TMEM266: variants seen among roughly 807,000 people sequenced by gnomAD.
The protein encoded by TMEM266 is Hv1 related protein 1.
In TMEM266, 33 loss-of-function variants were observed where a neutral mutation model predicts 50.5. The ratio of observed to expected loss-of-function variants is 0.65; its 90% CI spans 0.50 to 0.87. The LOEUF (loss-of-function observed/expected upper bound fraction) is 0.87, where lower values mean the gene tolerates loss of function less well. Among genes scored for constraint, TMEM266 ranks in the 40% least tolerant of loss-of-function variants. The pLI is 0.00. For synonymous variants in TMEM266, 310 were observed against 292.3 expected (o/e 1.06, Z -0.62); for missense variants, 655 against 695.1 (o/e 0.94, Z 0.65).
chr15:76,128,637 T>G (rs1394365527), intron 1 of TMEM266, among the ~76,000 whole-genome samples: 1 of 152,244 alleles, frequency 6.6e-6, no homozygotes, highest in Non-Finnish European at 1.5e-5. Flanking sequence ...GAAATATTAT[T>G]TTTAAATAAC....
intron 1 of TMEM266, among the ~76,000 whole-genome samples, chr15:76,126,132 G>T (rs2037419422): frequency 6.6e-6 from 1 of 151,950 alleles, no homozygotes; most frequent in Non-Finnish European, 1.5e-5. Context: ...GGTACAGCCA[G>T]TATGGAAAAC....
intron 1 of TMEM266, among the ~76,000 whole-genome samples, chr15:76,067,488 C>CA (rs1289634999): frequency 2.0e-5 from 3 of 151,752 alleles, no homozygotes; most frequent in Non-Finnish European, 4.4e-5. Flanking sequence ...ACTAAAAATA[C>CA]AAAAAATTAA....
At chr15:76,191,620 G>C (rs1340291365) in intron 8 of TMEM266, 1 of 217,610 alleles carries the variant, frequency 4.6e-6, no homozygotes, top group Non-Finnish European at 9.1e-6. Flanking sequence ...ACACATCTGG[G>C]CGAAGAGCTA....
At chr15:76,071,222 C>A (rs973868721) in intron 1 of TMEM266, among the ~76,000 whole-genome samples, 1 of 152,166 alleles carries the variant, frequency 6.6e-6, no homozygotes, top group African/African-American at 2.4e-5. Flanking sequence ...TCCCTGCAGA[C>A]AACATTCAGG....
At chr15:76,191,536 G>A (rs1417760195) in intron 8 of TMEM266, 2 of 154,474 alleles carry the variant, frequency 1.3e-5, no homozygotes, top group Admixed American at 1.3e-4. Context: ...CCCAGGCTGG[G>A]ACGGGGGCCC....
chr15:76,154,831 TTGTC>T (rs755443503), intron 3 of TMEM266, among the ~76,000 whole-genome samples: 9 of 152,204 alleles, frequency 5.9e-5, no homozygotes, highest in Non-Finnish European at 1.0e-4. Flanking sequence ...GCTGTGAGCT[TTGTC>T]TGTCCTTCCA....
chr15:76,133,470 T>A (rs976669966), intron 1 of TMEM266, among the ~76,000 whole-genome samples: 1 of 152,118 alleles, frequency 6.6e-6, no homozygotes, highest in Non-Finnish European at 1.5e-5. Context: ...ATAATAATAA[T>A]GAAATCCAAC....
intron 2 of TMEM266, among the ~76,000 whole-genome samples, chr15:76,136,601 C>T (rs1045781531): frequency 6.6e-6 from 1 of 152,174 alleles, no homozygotes; most frequent in Non-Finnish European, 1.5e-5. Flanking sequence ...TTAAATTTTA[C>T]TCCTTGCCAT....
chr15:76,100,736 A>G (rs890437912), intron 1 of TMEM266, among the ~76,000 whole-genome samples: 8 of 152,234 alleles, frequency 5.3e-5, no homozygotes, highest in Admixed American at 4.6e-4. Flanking sequence ...GAAATGGAAA[A>G]AGAAAGAAGT....
At chr15:76,100,017 G>A (rs1363945636) in intron 1 of TMEM266, among the ~76,000 whole-genome samples, 1 of 152,136 alleles carries the variant, frequency 6.6e-6, no homozygotes, top group East Asian at 1.9e-4. Flanking sequence ...CAGCAAGGGG[G>A]AAATCTGCCC....
chr15:76,182,559 G>A (rs567290200), intron 8 of TMEM266, among the ~76,000 whole-genome samples: 2 of 151,996 alleles, frequency 1.3e-5, no homozygotes, highest in Admixed American at 6.6e-5. Flanking sequence ...CAGGAGAATG[G>A]CATGAACCTG....
chr15:76,144,240 T>A (rs2959864), intron 3 of TMEM266, among the ~76,000 whole-genome samples: 1 of 151,796 alleles, frequency 6.6e-6, no homozygotes, highest in Admixed American at 6.5e-5. Context: ...ATGTGCATTT[T>A]GGCTCATTTT....
chr15:76,070,895 C>T (rs2036529280), intron 1 of TMEM266, among the ~76,000 whole-genome samples: 1 of 152,190 alleles, frequency 6.6e-6, no homozygotes, highest in Admixed American at 6.5e-5. Context: ...CTTACCCTCC[C>T]ACTATTTTAC....
chr15:76,104,397 G>A (rs768597877), intron 1 of TMEM266, among the ~76,000 whole-genome samples: 1 of 152,190 alleles, frequency 6.6e-6, no homozygotes, highest in Non-Finnish European at 1.5e-5. Flanking sequence ...CATATGAGCA[G>A]GGGCTACCCT....
intron 1 of TMEM266, among the ~76,000 whole-genome samples, chr15:76,069,901 G>C (rs2036510277): frequency 6.6e-6 from 1 of 151,968 alleles, no homozygotes; most frequent in Admixed American, 6.6e-5. Flanking sequence ...TTGTACAACT[G>C]TAAATACCAT....
At chr15:76,154,052 G>C (rs747067114) in intron 3 of TMEM266, among the ~76,000 whole-genome samples, 20 of 152,072 alleles carry the variant, frequency 1.3e-4, no homozygotes, top group Non-Finnish European at 2.4e-4. Flanking sequence ...TGCATCCCAG[G>C]GTTCCCATGC....
rs1375734475 is a variant in TMEM266 at position 76,168,730 on chromosome 15, C to T, written c.457-1086C>T. ...TAGGGATAAAAGAGAGACAGCAGAC[C>T]AGGTCCCTTGAGCCTCCACTGGGGG... On this transcript the variant is annotated intron_variant, in intron 5 of 10. Coordinates refer to ENST00000388942, the MANE Select transcript of TMEM266 (RefSeq NM_152335.3). The surrounding 1 kb of genome is among the most constrained non-coding windows in gnomAD (Gnocchi z 4.4). 6.6e-6 allele frequency among the ~76,000 whole-genome samples: 1 copy of T among 152,220 alleles called. No individual in the cohort carries two copies. Among genetic ancestry groups the T allele is most frequent in the African/African-American group, 2.4e-5 (1 of 41,452 alleles).
At chr15:76,199,853 C>G (rs1413275903) in intron 9 of TMEM266, among the ~76,000 whole-genome samples, 1 of 148,570 alleles carries the variant, frequency 6.7e-6, no homozygotes, top group Non-Finnish European at 1.5e-5. Context: ...AGAGAATGCA[C>G]AGGGGCTTTC....
chr15:76,204,076 C>G lies in TMEM266; in HGVS notation c.1357C>G (p.Pro453Ala), dbSNP rs767841400. ...GTCCTCCCTGTCGGAGGACCCCTGC[C>G]CTTCCCAGAAGGCCTTGGACCCAGC... The change falls in exon 11 of 11, where the codon CCT becomes GCT. Residue 453 changes from proline to alanine, a missense_variant. Around this residue, in one of 3 missense-constraint regions of TMEM266, gnomAD observed 455 missense variants for 401.8 expected, o/e 1.13. Transcript: ENST00000388942. 1 of 1,612,638 alleles carries G rather than the reference C, an allele frequency of 6.2e-7. No homozygotes were observed. The highest frequency in any genetic ancestry group is 1.1e-5 in the South Asian group (1 of 91,060).
Sources: allele counts gnomAD v4.1 joint callset (sites outside exome capture counted in the v4.1 genomes callset), GRCh38; gene constraint gnomAD v4.1.1; regional missense constraint gnomAD v4.1.1; non-coding constraint Gnocchi (gnomAD v3.1); transcripts MANE v1.5; gene names NCBI Gene and HGNC (gene_info 2026-07-23, HGNC 2026-07-21).